KLF17: variants seen among roughly 807,000 people sequenced by gnomAD.
KLF17 encodes the protein Krueppel-like factor 17.
In KLF17, 31 loss-of-function variants were observed where a neutral mutation model predicts 34.2. The ratio of observed to expected loss-of-function variants is 0.91; its 90% CI spans 0.68 to 1.22. The LOEUF (loss-of-function observed/expected upper bound fraction) is 1.22. KLF17 is among the 50% of genes most tolerant of loss of function. KLF17 has a pLI of 0.00. For synonymous variants in KLF17, 179 were observed against 186.7 expected (o/e 0.96, Z 0.34); for missense variants, 478 against 505.2 (o/e 0.95, Z 0.52).
the KLF17 span, among the ~76,000 whole-genome samples, chr1:44,093,685 G>A: frequency 1.4e-4 from 21 of 152,114 alleles, no homozygotes; most frequent in Admixed American, 4.6e-4. Flanking sequence ...GTGAGCCACC[G>A]CACTCATCTT....
At chr1:44,080,236 C>CTTT in the KLF17 span, among the ~76,000 whole-genome samples, 49 of 94,120 alleles carry the variant, frequency 5.2e-4, 1 homozygote, top group East Asian at 1.1e-3. Context: ...CCCTCTGTGT[C>CTTT]TTTTTTTTTT....
chr1:44,109,457 A>G, the KLF17 span, among the ~76,000 whole-genome samples: 209 of 152,360 alleles, frequency 1.4e-3, no homozygotes, highest in African/African-American at 4.9e-3. Context: ...GAAAGGTTTA[A>G]TCCTTGGGCA....
In KLF17 at chr1:44,130,771, C is replaced by T; in HGVS notation, c.*15C>T. The T allele has an allele frequency of 1.2e-6, 2 of 1,611,614 alleles. No homozygotes were observed. The highest frequency in any genetic ancestry group is 2.2e-5 in the East Asian group (1 of 44,804). On this transcript the variant is annotated intron_variant, in intron 3 of 3. Transcript: ENST00000372299. ...CTGGTCCTTAGGTCAGTCTCCTCTC[C>T]TCATTCTGGGTTTTCTTTTTCCTTT... is the stretch of plus-strand genomic sequence containing the variant.
chr1:44,087,084 T>C, the KLF17 span, among the ~76,000 whole-genome samples: 2 of 152,166 alleles, frequency 1.3e-5, no homozygotes, highest in Admixed American at 6.5e-5. Context: ...GCCAAGCAAC[T>C]AATACAAATT....
At chr1:44,095,574 T>C in the KLF17 span, among the ~76,000 whole-genome samples, 1 of 152,196 alleles carries the variant, frequency 6.6e-6, no homozygotes, top group South Asian at 2.1e-4. Context: ...GGTATTTTGA[T>C]AGGGATTGCA....
the KLF17 span, among the ~76,000 whole-genome samples, chr1:44,049,276 C>T: frequency 2.0e-5 from 3 of 152,158 alleles, no homozygotes; most frequent in African/African-American, 7.2e-5. Context: ...CTCCTAATCC[C>T]ACCACATTTG....
rs1422537557 is a variant in KLF17 at position 44,134,947 on chromosome 1, T to C, written c.*1710T>C. ...AACTTGATTCGTTTTCCATTGATTGTGATATCTATCATACCTGCAAAAAAT... is the reference window on the plus strand; with the variant it reads ...AACTTGATTCGTTTTCCATTGATTGCGATATCTATCATACCTGCAAAAAAT... On this transcript the variant is annotated 3_prime_UTR_variant, in exon 4 of 4. Coordinates refer to ENST00000372299, the MANE Select transcript of KLF17 (RefSeq NM_173484.4). 6.6e-6 allele frequency: 1 copy of C among 152,116 alleles called. No homozygotes were observed. The highest frequency in any genetic ancestry group is 1.9e-4 in the East Asian group (1 of 5,192). 9.4% of individuals were successfully genotyped at this position (152,116 alleles called of 1,614,324 possible). A position where few individuals can be genotyped will look rare whatever the true frequency, so the allele number is the denominator to read the frequency against.
Position 44,122,717 on chromosome 1 carries a change from C to T in KLF17, c.81+3729C>T, listed in dbSNP as rs190194912. ...AATTCAAGCGATTCTCATGCCTCAG[C>T]CTCCCGAGTAGCTGGGATTACAGGC... On this transcript the variant is annotated intron_variant, in intron 1 of 3. Transcript: ENST00000372299. Among the ~76,000 whole-genome samples, 418 of 152,288 alleles carry T rather than the reference C, an allele frequency of 2.7e-3. 4 individuals are homozygous for T. Among genetic ancestry groups the T allele is most frequent in the Middle Eastern group, 0.01 (3 of 292 alleles).
At chr1:44,081,254 G>C in the KLF17 span, among the ~76,000 whole-genome samples, 88 of 150,136 alleles carry the variant, frequency 5.9e-4, 3 homozygotes, top group East Asian at 0.015. Flanking sequence ...TAGTTAATCA[G>C]ATTCAGTTAA....
At chr1:44,066,700 A>C in the KLF17 span, among the ~76,000 whole-genome samples, 2 of 152,226 alleles carry the variant, frequency 1.3e-5, no homozygotes, top group Admixed American at 6.5e-5. Flanking sequence ...GCACAGGTAC[A>C]TCAGAAGACA....
upstream of KLF17, among the ~76,000 whole-genome samples, chr1:44,116,780 C>T (rs982178795): frequency 6.6e-6 from 1 of 152,204 alleles, no homozygotes; most frequent in African/African-American, 2.4e-5. Flanking sequence ...TGTTGTCAAA[C>T]TATCTCCAGT....
the KLF17 span, among the ~76,000 whole-genome samples, chr1:44,090,514 G>C: frequency 6.6e-6 from 1 of 150,498 alleles, no homozygotes; most frequent in Non-Finnish European, 1.5e-5. Context: ...TCTTTGTGGA[G>C]AGCAAGGGCA....
At chr1:44,066,179 G>T in the KLF17 span, among the ~76,000 whole-genome samples, 1 of 151,966 alleles carries the variant, frequency 6.6e-6, no homozygotes, top group Admixed American at 6.6e-5. Context: ...AAATAGCTAG[G>T]CATAGTGGTA....
At chr1:44,074,889 G>C in the KLF17 span, 3 of 152,146 alleles carry the variant, frequency 2.0e-5, no homozygotes, top group Non-Finnish European at 2.9e-5. Flanking sequence ...AATTGAAATG[G>C]AATCTCACTT....
At chr1:44,068,734 G>C in the KLF17 span, among the ~76,000 whole-genome samples, 1 of 152,170 alleles carries the variant, frequency 6.6e-6, no homozygotes, top group Non-Finnish European at 1.5e-5. Context: ...CACAGGCTGG[G>C]GTTATGTTTT....
rs933425152 is a variant in KLF17 at position 44,133,966 on chromosome 1, G to A, written c.*729G>A. On this transcript the variant is annotated 3_prime_UTR_variant, in exon 4 of 4. Transcript: ENST00000372299. ...GCACCAGATCCCTTCCATGGAGCAG[G>A]TCATCTCGGGTTCACTGGGCCAGGG... 6.6e-6 allele frequency: 1 copy of A among 152,272 alleles called. No individual in the cohort carries two copies. Among genetic ancestry groups the A allele is most frequent in the Non-Finnish European group, 1.5e-5 (1 of 68,080 alleles). The allele number at this position is 152,272 out of a possible 1,614,324, so 9.4% of individuals were successfully genotyped here. A position where few individuals can be genotyped will look rare whatever the true frequency, so the allele number is the denominator to read the frequency against.
chr1:44,127,686 CTTTCTT>C (rs1168756136), intron 1 of KLF17, among the ~76,000 whole-genome samples: 7,316 of 39,598 alleles, frequency 0.18, 235 homozygotes, highest in Non-Finnish European at 0.25. Context: ...TTCTTTCTTT[CTTTCTT>C]TTTCTTTCTT....
chr1:44,127,698 T>G (rs1370944131), intron 1 of KLF17, among the ~76,000 whole-genome samples: 1 of 137,658 alleles, frequency 7.3e-6, no homozygotes, highest in Non-Finnish European at 1.5e-5. Context: ...TTCTTTTTCT[T>G]TCTTTCTTTC....
the KLF17 span, among the ~76,000 whole-genome samples, chr1:44,086,499 AT>A: frequency 1.4e-4 from 21 of 149,694 alleles, no homozygotes; most frequent in East Asian, 2.9e-3. Context: ...AAATAAATAA[AT>A]AAATAAAAAT....
Sources: gnomAD v4.1 joint callset for allele counts (sites outside exome capture counted in the v4.1 genomes callset) on GRCh38, gnomAD v4.1.1 for gene constraint, MANE v1.5 for transcripts, NCBI Gene and HGNC (gene_info 2026-07-23, HGNC 2026-07-21) for gene names.